The following CFAP299 variants were observed in gnomAD, a reference collection of about 807,000 sequenced individuals.
The protein encoded by CFAP299 is cilia and flagella associated protein 299, also known as cilia- and flagella-associated protein 299.
A neutral mutation model predicts 27.0 loss-of-function variants in CFAP299; 21 were observed. The ratio of observed to expected loss-of-function variants is 0.78; its 90% CI spans 0.55 to 1.12. The LOEUF is 1.12. Among genes scored for constraint, CFAP299 ranks in the 50% most tolerant of loss-of-function variants. CFAP299 has a pLI of 0.00. For synonymous variants in CFAP299, 104 were observed against 98.1 expected, an observed-to-expected ratio of 1.06 and a Z score of -0.36; for missense variants, 310 against 276.6, an observed-to-expected ratio of 1.12 and a Z score of -0.86.
intron 3 of CFAP299, among the ~76,000 whole-genome samples, chr4:80,839,748 A>T (rs1449083991): frequency 6.6e-6 from 1 of 151,898 alleles, no homozygotes; most frequent in African/African-American, 2.4e-5. Flanking sequence ...AAAAAAAAAG[A>T]TACTCTTTGT....
chr4:80,648,412 G>T (rs1160834014), intron 3 of CFAP299, among the ~76,000 whole-genome samples: 1 of 152,132 alleles, frequency 6.6e-6, no homozygotes, highest in Non-Finnish European at 1.5e-5. Context: ...TGCTTTGTGT[G>T]CTTTGTATGA....
intron 3 of CFAP299, among the ~76,000 whole-genome samples, chr4:80,624,288 TAG>T (rs756435022): frequency 1.5e-4 from 22 of 151,620 alleles, no homozygotes; most frequent in Non-Finnish European, 3.2e-4. Context: ...ATGATAATAA[TAG>T]AGAGACTGAA....
chr4:80,638,382 G>A (rs541451116), intron 3 of CFAP299, among the ~76,000 whole-genome samples: 1 of 152,310 alleles, frequency 6.6e-6, no homozygotes, highest in Admixed American at 6.5e-5. Flanking sequence ...CATATAAGCT[G>A]TGAAGCCTAT....
intron 3 of CFAP299, among the ~76,000 whole-genome samples, chr4:80,637,984 T>A (rs1739536010): frequency 6.6e-6 from 1 of 152,212 alleles, no homozygotes; most frequent in Non-Finnish European, 1.5e-5. Flanking sequence ...AAAATATTTT[T>A]TATTAACTTT....
chr4:80,923,944 T>C (rs375263003), intron 4 of CFAP299, among the ~76,000 whole-genome samples: 2 of 152,026 alleles, frequency 1.3e-5, no homozygotes, highest in African/African-American at 2.4e-5. Flanking sequence ...CATTATGAAG[T>C]CTTTTTCAGA....
intron 2 of CFAP299, among the ~76,000 whole-genome samples, chr4:80,554,615 T>G (rs189477801): frequency 1.3e-5 from 2 of 151,740 alleles, no homozygotes; most frequent in Non-Finnish European, 2.9e-5. Context: ...ATGTTATTGA[T>G]TCTTTCTATC....
At chr4:80,517,431 C>T (rs1274498336) in intron 2 of CFAP299, among the ~76,000 whole-genome samples, 1 of 152,128 alleles carries the variant, frequency 6.6e-6, no homozygotes, top group Non-Finnish European at 1.5e-5. Flanking sequence ...TAAACCCTTT[C>T]CTGTTGTAAC....
At chr4:80,861,508 A>G (rs1309740239) in intron 3 of CFAP299, among the ~76,000 whole-genome samples, 1 of 152,114 alleles carries the variant, frequency 6.6e-6, no homozygotes, top group Non-Finnish European at 1.5e-5. Context: ...TGCGTCACTC[A>G]TGCTGGGAGC....
chr4:80,933,209 A>G lies in CFAP299; in HGVS notation c.477-11601A>G, dbSNP rs1009658764. 3.4e-5 allele frequency among the ~76,000 whole-genome samples: 5 copies of G among 147,876 alleles called. No homozygotes were observed. In the Admixed American group the frequency reaches 3.4e-4, roughly 10 times the overall value. On this transcript the variant is annotated intron_variant, in intron 4 of 5. Coordinates refer to ENST00000358105, the MANE Select transcript of CFAP299 (RefSeq NM_152770.3). The stretch of plus-strand genomic sequence containing the variant: ...TTCTTTTCTTTTGAGAAAACTTAGG[A>G]CCTACAGTACTATATTATTACTCAT...
chr4:80,954,925 A>C (rs913586981), intron 5 of CFAP299, among the ~76,000 whole-genome samples: 1 of 145,002 alleles, frequency 6.9e-6, no homozygotes, highest in African/African-American at 2.6e-5. Flanking sequence ...GCGTGAACCC[A>C]GGAGACGGAG....
At chr4:80,780,385 A>C (rs1726801918) in intron 3 of CFAP299, among the ~76,000 whole-genome samples, 1 of 152,124 alleles carries the variant, frequency 6.6e-6, no homozygotes, top group Non-Finnish European at 1.5e-5. Flanking sequence ...CATCTTCACC[A>C]CTAAGAAATC....
At chr4:80,466,394 A>G (rs538520869) in intron 2 of CFAP299, among the ~76,000 whole-genome samples, 100 of 152,348 alleles carry the variant, frequency 6.6e-4, no homozygotes, top group African/African-American at 2.3e-3. Context: ...TTCTATTGGA[A>G]TTGCTTATAA....
At chr4:80,931,170 AGTG>A (rs72453655) in intron 4 of CFAP299, among the ~76,000 whole-genome samples, 11,947 of 152,030 alleles carry the variant, frequency 0.079, 551 homozygotes, top group Middle Eastern at 0.18. Context: ...TGAGTGAGTG[AGTG>A]AGTGAGTGAG....
chr4:80,699,726 G>A (rs1264251911), intron 3 of CFAP299, among the ~76,000 whole-genome samples: 1 of 152,066 alleles, frequency 6.6e-6, no homozygotes, highest in African/African-American at 2.4e-5. Flanking sequence ...ACCTTGCTAA[G>A]TTATCACACA....
chr4:80,949,501 G>T (rs1343483052), intron 5 of CFAP299, among the ~76,000 whole-genome samples: 2 of 150,002 alleles, frequency 1.3e-5, no homozygotes, highest in African/African-American at 2.5e-5. Context: ...TGAACTAGAT[G>T]CTCCCTAAAA....
intron 2 of CFAP299, among the ~76,000 whole-genome samples, chr4:80,536,052 G>T (rs764175766): frequency 5.3e-5 from 8 of 152,144 alleles, no homozygotes; most frequent in Non-Finnish European, 1.2e-4. Flanking sequence ...TCACATAATA[G>T]CTATCCACAA....
intron 3 of CFAP299, among the ~76,000 whole-genome samples, chr4:80,750,577 T>A (rs1724879044): frequency 1.3e-5 from 2 of 152,196 alleles, no homozygotes; most frequent in Non-Finnish European, 2.9e-5. Context: ...TTATAGAATT[T>A]ATTTCATTAT....
intron 3 of CFAP299, among the ~76,000 whole-genome samples, chr4:80,816,378 T>C (rs897261713): frequency 6.6e-6 from 1 of 152,008 alleles, no homozygotes; most frequent in Non-Finnish European, 1.5e-5. Context: ...TAAAGGAAAA[T>C]AAATCCCTTT....
chr4:80,734,706 T>C (rs1266426588), intron 3 of CFAP299, among the ~76,000 whole-genome samples: 2 of 152,130 alleles, frequency 1.3e-5, no homozygotes, highest in Non-Finnish European at 2.9e-5. Flanking sequence ...TTCCCAGCAC[T>C]GATCATTGAA....
Sources: gnomAD v4.1 joint callset for allele counts (sites outside exome capture counted in the v4.1 genomes callset) on GRCh38, gnomAD v4.1.1 for gene constraint, MANE v1.5 for transcripts, NCBI Gene and HGNC (gene_info 2026-07-23, HGNC 2026-07-21) for gene names.